Variants in MACROH2A1 observed in about 807,000 individuals in gnomAD.
MACROH2A1 encodes the protein macroH2A.1 histone.
Under a neutral mutation model 31.6 loss-of-function variants are expected in MACROH2A1, and 2 were observed. The ratio of observed to expected loss-of-function variants is 0.06; its 90% CI spans 0.03 to 0.20. MACROH2A1 has a LOEUF of 0.20. MACROH2A1 is among the 10% of genes least tolerant of loss of function. The pLI is 1.00. For synonymous variants in MACROH2A1, 169 were observed against 189.6 expected, an observed-to-expected ratio of 0.89 and a Z score of 0.89; for missense variants, 230 against 474.0, an observed-to-expected ratio of 0.49 and a Z score of 4.78.
intron 1 of MACROH2A1, among the ~76,000 whole-genome samples, chr5:135,392,736 A>G (rs2149982997): frequency 6.6e-6 from 1 of 152,346 alleles, no homozygotes; most frequent in Non-Finnish European, 1.5e-5. Flanking sequence ...ATTAAGCATT[A>G]TAATTAAAAA....
rs2149844564 is a variant in MACROH2A1, at chr5:135,369,946, A to G, written c.279+90T>C. 2 of 841,452 alleles carry G rather than the reference A, an allele frequency of 2.4e-6. No individual in the cohort carries two copies. The highest frequency in any genetic ancestry group is 5.2e-5 in the East Asian group (2 of 38,258). 52.1% of individuals were successfully genotyped at this position (841,452 alleles called of 1,614,324 possible). On this transcript the variant is annotated intron_variant, in intron 3 of 8. Coordinates refer to ENST00000511689, the MANE Select transcript of MACROH2A1 (RefSeq NM_138610.3). This position sits in a 1 kb window ranked among gnomAD's most constrained non-coding sequence, Gnocchi z 4.3. ...CCAAAAGGCAGTCCACACCTTTCAT[A>G]ACCAGCCAACACCAAAGCCTCTCAG...
At chr5:135,386,733 G>C (rs1330285625) in intron 2 of MACROH2A1, among the ~76,000 whole-genome samples, 2 of 152,304 alleles carry the variant, frequency 1.3e-5, no homozygotes, top group Non-Finnish European at 2.9e-5. Flanking sequence ...GCCCAGACCA[G>C]GAAAACACAG....
intron 5 of MACROH2A1, chr5:135,358,971 G>GA: frequency 5.1e-6 from 5 of 985,362 alleles, no homozygotes; most frequent in Non-Finnish European, 6.0e-6. Flanking sequence ...CTAACAAACA[G>GA]AGCCCAGAGG....
chr5:135,355,231 G>C (rs1561596931), intron 5 of MACROH2A1: 2 of 456,034 alleles, frequency 4.4e-6, no homozygotes, highest in South Asian at 3.1e-5. Context: ...CTGAAGGAAG[G>C]GAGCAGTTGC....
upstream of MACROH2A1, chr5:135,399,307 G>C (rs968560126): frequency 6.6e-6 from 1 of 151,750 alleles, no homozygotes; most frequent in Non-Finnish European, 1.5e-5. The surrounding 1 kb of genome is among the most constrained non-coding windows in gnomAD (Gnocchi z 4.5). Context: ...CCGAGCGTCC[G>C]GCCTCCGCGC....
In MACROH2A1 at chr5:135,353,110, G is replaced by T. The variant is rs928412635; in HGVS notation, c.589-65C>A. On this transcript the variant is annotated intron_variant, in intron 5 of 8. Coordinates refer to ENST00000511689, the MANE Select transcript of MACROH2A1 (RefSeq NM_138610.3). The stretch of plus-strand genomic sequence containing the variant: ...TGGGAAGTCTCAGAGAAGGAGCCTT[G>T]GGATACAGGTAAAGGACAGTGGACA... 7 of 1,010,706 alleles carry T rather than the reference G, an allele frequency of 6.9e-6. No individual in the cohort carries two copies. In the African/African-American group the frequency reaches 1.1e-4, roughly 16 times the overall value. The allele number at this position is 1,010,706 out of a possible 1,614,324, so 62.6% of individuals were successfully genotyped here. A position where few individuals can be genotyped will look rare whatever the true frequency, so the allele number is the denominator to read the frequency against.
Position 135,345,963 on chromosome 5 carries a change from C to G in MACROH2A1, c.778+5G>C. On this transcript the variant is annotated splice_donor_5th_base_variant and intron_variant, in intron 7 of 8. Coordinates refer to ENST00000511689, the MANE Select transcript of MACROH2A1 (RefSeq NM_138610.3). The stretch of plus-strand genomic sequence containing the variant: ...CAGATAAGCACGGTGGCTTTCCCAC[C>G]TCACCTCCAGCTACTTCCAAGGGCC... The G allele has an allele frequency of 1.9e-6, 3 of 1,593,472 alleles. No homozygotes were observed. The highest frequency in any genetic ancestry group is 1.1e-5 in the South Asian group (1 of 90,678).
intron 8 of MACROH2A1, among the ~76,000 whole-genome samples, chr5:135,340,504 T>TG (rs1394583871): frequency 1.3e-5 from 2 of 151,614 alleles, no homozygotes; most frequent in African/African-American, 4.8e-5. Flanking sequence ...GCTGAGGGAG[T>TG]GGGGGTATCC....
intron 2 of MACROH2A1, among the ~76,000 whole-genome samples, chr5:135,370,738 G>A (rs1231885105): frequency 6.6e-6 from 1 of 152,168 alleles, no homozygotes; most frequent in Non-Finnish European, 1.5e-5. Context: ...GATTCAAAAG[G>A]TGAAAAAGAT....
rs374750384 is a variant in MACROH2A1, at chr5:135,367,158, T to C, written c.477+2248A>G. 1.1e-4 allele frequency among the ~76,000 whole-genome samples: 17 copies of C among 152,390 alleles called. No homozygotes were observed. In the South Asian group the frequency reaches 2.1e-3, roughly 19 times the overall value. The stretch of plus-strand genomic sequence containing the variant: ...CTGCATGTCCCTGGAAAGGTTATTT[T>C]CAGAACATTCCACTTAAACCTAGAG... On this transcript the variant is annotated intron_variant, in intron 4 of 8. Coordinates refer to ENST00000511689, the MANE Select transcript of MACROH2A1 (RefSeq NM_138610.3).
At chr5:135,382,876 T>C (rs1765843519) in intron 2 of MACROH2A1, among the ~76,000 whole-genome samples, 1 of 152,252 alleles carries the variant, frequency 6.6e-6, no homozygotes, top group Admixed American at 6.5e-5. Flanking sequence ...AACAATTTCA[T>C]GGACTCTTTA....
At chr5:135,359,102 G>A in intron 5 of MACROH2A1, 7 of 985,386 alleles carry the variant, frequency 7.1e-6, no homozygotes, top group Non-Finnish European at 8.4e-6. Flanking sequence ...CATCCAGCAA[G>A]GGAGGTATGA....
intron 6 of MACROH2A1, among the ~76,000 whole-genome samples, chr5:135,350,393 C>T (rs569183948): frequency 4.0e-5 from 6 of 151,850 alleles, no homozygotes; most frequent in South Asian, 4.2e-4. Flanking sequence ...GACAGATTGG[C>T]GGGGGTCAGG....
Position 135,364,106 on chromosome 5 carries a change from T to C in MACROH2A1, c.478-3499A>G, listed in dbSNP as rs569575114. Among the ~76,000 whole-genome samples the C allele has an allele frequency of 3.9e-5, 6 of 152,302 alleles. No homozygotes were observed. The South Asian group carries it at 8.3e-4, about 21-fold the overall frequency. On this transcript the variant is annotated intron_variant, in intron 4 of 8. Coordinates refer to ENST00000511689, the MANE Select transcript of MACROH2A1 (RefSeq NM_138610.3). ...GCCTTTGTAGGGACATGGATGAAACTGGAAACCATCATTCTCAGCAAACTA... is the reference window on the plus strand; with the variant it reads ...GCCTTTGTAGGGACATGGATGAAACCGGAAACCATCATTCTCAGCAAACTA...
In MACROH2A1 at chr5:135,353,280, CA is replaced by C. The variant is rs564508005; in HGVS notation, c.589-236del. The stretch of plus-strand genomic sequence containing the variant: ...CAGAGCCCGTGGGTGGCACCTGGGA[CA>C]AAAGGAAGCACAAGCCACAGTGGAC... On this transcript the variant is annotated intron_variant, in intron 5 of 8. Coordinates refer to ENST00000511689, the MANE Select transcript of MACROH2A1 (RefSeq NM_138610.3). The C allele has an allele frequency of 3.1e-3, 1,509 of 492,282 alleles. 5 individuals are homozygous for C. Among genetic ancestry groups the C allele is most frequent in the Middle Eastern group, 4.9e-3 (9 of 1,848 alleles). The allele number at this position is 492,282 out of a possible 1,614,324, so 30.5% of individuals were successfully genotyped here. A position where few individuals can be genotyped will look rare whatever the true frequency, so the allele number is the denominator to read the frequency against.
In MACROH2A1 at chr5:135,355,474, A is replaced by G. The variant is rs538474790; in HGVS notation, c.589-2429T>C. 5 of 321,076 alleles carry G rather than the reference A, an allele frequency of 1.6e-5. No homozygotes were observed. In the Admixed American group the frequency reaches 1.7e-4, roughly 11 times the overall value. The allele number at this position is 321,076 out of a possible 1,614,324, so 19.9% of individuals were successfully genotyped here. A position where few individuals can be genotyped will look rare whatever the true frequency, so the allele number is the denominator to read the frequency against. ...GCTCTGCTATGCACTGGGGCTCAGC[A>G]GAAGTCCTCAGGGTATGCAGCTGAG... On this transcript the variant is annotated intron_variant, in intron 5 of 8. Coordinates refer to ENST00000511689, the MANE Select transcript of MACROH2A1 (RefSeq NM_138610.3).
At chr5:135,373,216 G>A (rs934000485) in intron 2 of MACROH2A1, among the ~76,000 whole-genome samples, 2 of 152,158 alleles carry the variant, frequency 1.3e-5, no homozygotes, top group Non-Finnish European at 2.9e-5. Context: ...TCGGGGAGGA[G>A]GGGAGGGATG....
At chr5:135,391,482 C>A (rs1054448106) in intron 1 of MACROH2A1, among the ~76,000 whole-genome samples, 1 of 152,230 alleles carries the variant, frequency 6.6e-6, no homozygotes, top group Non-Finnish European at 1.5e-5. Context: ...CCTAGACACG[C>A]TGACTCCTTA....
At chr5:135,362,091 T>C (rs929254156) in intron 4 of MACROH2A1, 1 of 152,250 alleles carries the variant, frequency 6.6e-6, no homozygotes, top group Admixed American at 6.5e-5. Flanking sequence ...CTTTTTGATA[T>C]ACTTTTCAGG....
Sources: gnomAD v4.1 joint callset for allele counts (sites outside exome capture counted in the v4.1 genomes callset) on GRCh38, gnomAD v4.1.1 for gene constraint, Gnocchi (gnomAD v3.1) non-coding constraint, MANE v1.5 for transcripts, NCBI Gene and HGNC (gene_info 2026-07-23, HGNC 2026-07-21) for gene names.